The following ARL6IP6 variants were observed in gnomAD, a reference collection of about 807,000 sequenced individuals.
The protein encoded by ARL6IP6 is ARF like GTPase 6 interacting protein 6.
ARL6IP6 carries 22 observed loss-of-function variants against 21.5 expected under a neutral mutation model. That is an observed-to-expected ratio of 1.02 (90% CI 0.73 to 1.46). The LOEUF (loss-of-function observed/expected upper bound fraction) is 1.46, where lower values mean the gene tolerates loss of function less well. ARL6IP6 is among the 40% of genes most tolerant of loss of function. ARL6IP6 has a pLI of 0.00. For missense variants in ARL6IP6, 388 were observed against 299.8 expected (o/e 1.29, Z -2.17); for synonymous variants, 164 against 125.3 (o/e 1.31, Z -2.06).
rs1473314737 is a variant in ARL6IP6, at chr2:152,735,102, C to T, written c.563C>T (p.Thr188Ile). The change falls in exon 3 of 4, where the codon ACT becomes ATT. Residue 188 changes from threonine (T) to isoleucine (I), a missense_variant. Coordinates refer to ENST00000326446, the MANE Select transcript of ARL6IP6 (RefSeq NM_152522.7). ...TTTGAACCAGGAATGTTTCCTCCTACTCCTCTTTCACCTGCCAGGTTCAAG... is the reference window on the plus strand; with the variant it reads ...TTTGAACCAGGAATGTTTCCTCCTATTCCTCTTTCACCTGCCAGGTTCAAG... ...DSFEPGMFPP[T>I]PLSPARFKKL... 1 of 1,613,794 alleles carries T rather than the reference C, an allele frequency of 6.2e-7. No individual in the cohort carries two copies. Among genetic ancestry groups the T allele is most frequent in the East Asian group, 2.2e-5 (1 of 44,816 alleles).
chr2:152,718,004 C>T, upstream of ARL6IP6: 1 of 992,292 alleles, frequency 1.0e-6, no homozygotes, highest in Non-Finnish European at 1.2e-6. Flanking sequence ...AGGTGGAGAG[C>T]GCGCGCCTGG....
intron 2 of ARL6IP6, among the ~76,000 whole-genome samples, chr2:152,731,426 GTA>G (rs971301260): frequency 2.0e-5 from 3 of 152,114 alleles, no homozygotes; most frequent in African/African-American, 7.2e-5. Context: ...TGGATAATTT[GTA>G]TAGTCAGGAA....
intron 3 of ARL6IP6, among the ~76,000 whole-genome samples, chr2:152,744,317 A>T (rs963288057): frequency 6.6e-6 from 1 of 152,110 alleles, no homozygotes; most frequent in Non-Finnish European, 1.5e-5. Context: ...GAATAATTAC[A>T]TTTGTGCATT....
intron 1 of ARL6IP6, chr2:152,719,775 CAAAA>C (rs1699662845): frequency 5.8e-6 from 1 of 171,202 alleles, no homozygotes; most frequent in Non-Finnish European, 1.2e-5. Context: ...AAAAAAAAAA[CAAAA>C]GAACTTTGTT....
chr2:152,744,504 T>C (rs1309836225), intron 3 of ARL6IP6, among the ~76,000 whole-genome samples: 1 of 152,190 alleles, frequency 6.6e-6, no homozygotes, highest in Non-Finnish European at 1.5e-5. Context: ...AAACTTCAGT[T>C]ATTAGTGTTA....
At chr2:152,740,546 ACATT>A (rs746022686) in intron 3 of ARL6IP6, among the ~76,000 whole-genome samples, 2 of 151,868 alleles carry the variant, frequency 1.3e-5, no homozygotes, top group Non-Finnish European at 2.9e-5. Context: ...TAAAATATAC[ACATT>A]CATTTCTATA....
chr2:152,734,411 C>T (rs750509747), intron 2 of ARL6IP6, among the ~76,000 whole-genome samples: 14 of 152,114 alleles, frequency 9.2e-5, no homozygotes, highest in Non-Finnish European at 8.8e-5. Context: ...AAGTGCATGG[C>T]GTGGAATGAA....
At position 152,761,382 on chromosome 2, in the gene ARL6IP6, C is replaced by G. The variant is rs527790885; in HGVS notation, c.*1542C>G. The G allele has an allele frequency of 1.0e-3, 157 of 152,224 alleles. 1 individual carries two copies. Among genetic ancestry groups the G allele is most frequent in the African/African-American group, 3.7e-3 (153 of 41,548 alleles). The allele number at this position is 152,224 out of a possible 1,614,324, so 9.4% of individuals were successfully genotyped here. Reference sequence around the variant, plus strand: ...CGCTTAAACTCTTCACCCTTTGACTCCAAAGAGCCCTTTCATTGCAAAGAT... The same window carrying G: ...CGCTTAAACTCTTCACCCTTTGACTGCAAAGAGCCCTTTCATTGCAAAGAT... On this transcript the variant is annotated 3_prime_UTR_variant, in exon 4 of 4. Coordinates refer to ENST00000326446, the MANE Select transcript of ARL6IP6 (RefSeq NM_152522.7).
rs1180451552 is a variant in ARL6IP6 at position 152,749,312 on chromosome 2, AAAAC to A, written c.588-10433_588-10430del. Reference sequence around the variant, plus strand: ...AATATCAAGCAGAAACACACACACAAAAACACACACACACACACACACACGCACG... The same window carrying A: ...AATATCAAGCAGAAACACACACACAAACACACACACACACACACACGCACG... On this transcript the variant is annotated intron_variant, in intron 3 of 3. Transcript: ENST00000326446. Among the ~76,000 whole-genome samples, 311 of 62,086 alleles carry A rather than the reference AAAAC, an allele frequency of 5.0e-3. 3 individuals carry two copies. Among genetic ancestry groups the A allele is most frequent in the African/African-American group, 0.015 (266 of 17,858 alleles). The allele number at this position is 62,086 out of a possible 152,430, so 40.7% of individuals were successfully genotyped here. A position where few individuals can be genotyped will look rare whatever the true frequency, so the allele number is the denominator to read the frequency against.
intron 3 of ARL6IP6, 118 bp from the exon 4 acceptor site, chr2:152,759,629 T>C: frequency 2.7e-6 from 2 of 729,644 alleles, no homozygotes; most frequent in Non-Finnish European, 4.7e-6. Flanking sequence ...TGTATTCATA[T>C]GTGAACATTT....
At chr2:152,736,595 C>T (rs1255604716) in intron 3 of ARL6IP6, among the ~76,000 whole-genome samples, 3 of 152,146 alleles carry the variant, frequency 2.0e-5, no homozygotes, top group African/African-American at 4.8e-5. Context: ...CTATTTAAGG[C>T]TAGTGTACTT....
At chr2:152,746,479 A>G (rs115327070) in intron 3 of ARL6IP6, among the ~76,000 whole-genome samples, 15 of 152,318 alleles carry the variant, frequency 9.8e-5, no homozygotes, top group African/African-American at 3.4e-4. Flanking sequence ...ACAACCTATA[A>G]ATTACCAGAG....
At chr2:152,751,590 A>AT (rs1451978000) in intron 3 of ARL6IP6, among the ~76,000 whole-genome samples, 11 of 151,584 alleles carry the variant, frequency 7.3e-5, no homozygotes, top group Admixed American at 3.9e-4. Context: ...CTATGAGCTC[A>AT]TTTTTTTTAA....
chr2:152,751,738 T>C (rs1036081231), intron 3 of ARL6IP6, among the ~76,000 whole-genome samples: 2 of 152,204 alleles, frequency 1.3e-5, no homozygotes, highest in African/African-American at 4.8e-5. Context: ...AGTATTCTGT[T>C]GTGTATATGT....
intron 3 of ARL6IP6, among the ~76,000 whole-genome samples, chr2:152,753,593 A>G (rs966474844): frequency 2.6e-5 from 4 of 151,280 alleles, no homozygotes; most frequent in Admixed American, 6.6e-5. Context: ...TACTACTGAG[A>G]TCTCATTGAA....
chr2:152,732,204 T>C (rs934700551), intron 2 of ARL6IP6, among the ~76,000 whole-genome samples: 3 of 151,990 alleles, frequency 2.0e-5, no homozygotes, highest in Non-Finnish European at 4.4e-5. Flanking sequence ...TAAAGACATA[T>C]AAAGTTACTG....
upstream of ARL6IP6, chr2:152,718,322 A>C: frequency 6.5e-6 from 2 of 309,078 alleles, no homozygotes; most frequent in Non-Finnish European, 5.7e-6. Flanking sequence ...TCCGGCCGGG[A>C]CGAAGCCCCG....
rs920593335 is a variant in ARL6IP6 at position 152,761,574 on chromosome 2, TAAC to T, written c.*1738_*1740del. On this transcript the variant is annotated 3_prime_UTR_variant, in exon 4 of 4. Coordinates refer to ENST00000326446, the MANE Select transcript of ARL6IP6 (RefSeq NM_152522.7). The stretch of plus-strand genomic sequence containing the variant: ...ACACCCTAGACAGTCATGTGCCATA[TAAC>T]AACGTTTTGGTCACAACGAACTGTA... Among the ~76,000 whole-genome samples, 3 of 152,184 alleles carry T rather than the reference TAAC, an allele frequency of 2.0e-5. No homozygotes were observed. The highest frequency in any genetic ancestry group is 4.4e-5 in the Non-Finnish European group (3 of 68,040).
chr2:152,731,428 A>T (rs977336270), intron 2 of ARL6IP6, among the ~76,000 whole-genome samples: 2 of 152,174 alleles, frequency 1.3e-5, no homozygotes, highest in African/African-American at 4.8e-5. Flanking sequence ...GATAATTTGT[A>T]TAGTCAGGAA....
Sources: gnomAD v4.1 joint callset for allele counts (sites outside exome capture counted in the v4.1 genomes callset) on GRCh38, gnomAD v4.1.1 for gene constraint, MANE v1.5 for transcripts, NCBI Gene and HGNC (gene_info 2026-07-23, HGNC 2026-07-21) for gene names.